ATXN1: variants seen among roughly 807,000 people sequenced by gnomAD.
The protein encoded by ATXN1 is ataxin-1.
Under a neutral mutation model 56.4 loss-of-function variants are expected in ATXN1, and 8 were observed. The observed-to-expected ratio is 0.14, with a 90% CI of 0.08 to 0.26. The LOEUF (loss-of-function observed/expected upper bound fraction) is 0.26. Among genes scored for constraint, ATXN1 ranks in the 10% least tolerant of loss-of-function variants. ATXN1 has a pLI of 1.00. For synonymous variants in ATXN1, 514 were observed against 494.6 expected (o/e 1.04, Z -0.52); for missense variants, 987 against 1,106.5 (o/e 0.89, Z 1.53).
chr6:16,363,436 A>C (rs1016780253), intron 6 of ATXN1, among the ~76,000 whole-genome samples: 1 of 152,236 alleles, frequency 6.6e-6, no homozygotes, highest in African/African-American at 2.4e-5. Context: ...CTGAAGGACA[A>C]AACAAAATTG....
intron 5 of ATXN1, among the ~76,000 whole-genome samples, chr6:16,502,848 A>G (rs1200806441): frequency 2.0e-5 from 3 of 152,246 alleles, no homozygotes; most frequent in Admixed American, 6.5e-5. Flanking sequence ...TGACAGTAGT[A>G]TAATGAAAAT....
chr6:16,354,993 C>T (rs1387247577), intron 6 of ATXN1, among the ~76,000 whole-genome samples: 6 of 152,232 alleles, frequency 3.9e-5, no homozygotes, highest in East Asian at 1.9e-4. Flanking sequence ...CTTTAGGGCA[C>T]CTTGCATTTC....
chr6:16,435,277 G>A (rs1329495171), intron 6 of ATXN1, among the ~76,000 whole-genome samples: 3 of 152,060 alleles, frequency 2.0e-5, no homozygotes, highest in Admixed American at 6.6e-5. Flanking sequence ...GATGATGAGA[G>A]GTCTGGCCTA....
intron 2 of ATXN1, among the ~76,000 whole-genome samples, chr6:16,685,452 C>T (rs1406333835): frequency 6.6e-6 from 1 of 152,072 alleles, no homozygotes; most frequent in Non-Finnish European, 1.5e-5. Context: ...GACTATGAGG[C>T]ATCTTGATTT....
chr6:16,558,300 CAAAAAAAA>C (rs34684208), intron 4 of ATXN1, among the ~76,000 whole-genome samples: 5 of 95,410 alleles, frequency 5.2e-5, no homozygotes, highest in African/African-American at 1.2e-4. Context: ...GATCCTGTGT[CAAAAAAAA>C]AAAAAAAAAA....
chr6:16,622,895 C>A (rs1017075071), intron 3 of ATXN1, among the ~76,000 whole-genome samples: 3 of 151,856 alleles, frequency 2.0e-5, no homozygotes, highest in African/African-American at 7.3e-5. Context: ...GGGTGAAATT[C>A]CACTTTACTT....
intron 2 of ATXN1, among the ~76,000 whole-genome samples, chr6:16,678,802 G>A (rs1165533242): frequency 1.3e-5 from 2 of 152,296 alleles, no homozygotes; most frequent in African/African-American, 2.4e-5. Flanking sequence ...TTGGGAGGCC[G>A]AGGCGGGTGG....
intron 6 of ATXN1, among the ~76,000 whole-genome samples, chr6:16,351,218 T>C (rs575500222): frequency 1.3e-5 from 2 of 152,308 alleles, no homozygotes; most frequent in South Asian, 4.1e-4. Flanking sequence ...TCAATGTTCA[T>C]TTCTTTTTCT....
At chr6:16,422,561 G>A (rs749354113) in intron 6 of ATXN1, among the ~76,000 whole-genome samples, 13 of 152,106 alleles carry the variant, frequency 8.5e-5, no homozygotes, top group African/African-American at 1.4e-4. Flanking sequence ...CAGTGAATCC[G>A]ACTTCTACCT....
chr6:16,576,537 C>G (rs9477174), intron 4 of ATXN1, among the ~76,000 whole-genome samples: 2,188 of 152,306 alleles, frequency 0.014, 65 homozygotes, highest in African/African-American at 0.049. Flanking sequence ...TACTATTGTT[C>G]TAAAGGATGA....
chr6:16,543,669 T>C (rs1761759484), intron 4 of ATXN1, among the ~76,000 whole-genome samples: 1 of 150,174 alleles, frequency 6.7e-6, no homozygotes, highest in South Asian at 2.1e-4. Flanking sequence ...AGAGAGAGTT[T>C]AAGCATGCCT....
intron 2 of ATXN1, among the ~76,000 whole-genome samples, chr6:16,731,874 T>C (rs375481262): frequency 6.6e-6 from 1 of 152,256 alleles, no homozygotes; most frequent in African/African-American, 2.4e-5. Context: ...ACATTTCCTG[T>C]GCTATTTAAA....
At chr6:16,403,095 T>G (rs1758611403) in intron 6 of ATXN1, among the ~76,000 whole-genome samples, 1 of 152,188 alleles carries the variant, frequency 6.6e-6, no homozygotes, top group Non-Finnish European at 1.5e-5. Flanking sequence ...TATGTATGTA[T>G]GGATATAAAT....
chr6:16,720,670 T>C (rs1759728105), intron 2 of ATXN1, among the ~76,000 whole-genome samples: 1 of 152,212 alleles, frequency 6.6e-6, no homozygotes, highest in African/African-American at 2.4e-5. Context: ...ACTCAGTTGA[T>C]CCAAACATGG....
intron 6 of ATXN1, among the ~76,000 whole-genome samples, chr6:16,397,558 A>T (rs1478995445): frequency 1.3e-5 from 2 of 152,170 alleles, no homozygotes; most frequent in Non-Finnish European, 2.9e-5. Context: ...AGTAGTAGCT[A>T]AACTTTTATC....
intron 6 of ATXN1, among the ~76,000 whole-genome samples, chr6:16,336,421 G>C (rs1474400089): frequency 6.6e-6 from 1 of 152,164 alleles, no homozygotes; most frequent in Non-Finnish European, 1.5e-5. Context: ...CGTTCAGTAA[G>C]GAAGAGACTG....
chr6:16,339,431 T>C (rs1262345273), intron 6 of ATXN1, among the ~76,000 whole-genome samples: 1 of 152,136 alleles, frequency 6.6e-6, no homozygotes, highest in Non-Finnish European at 1.5e-5. Flanking sequence ...CCTCCAGGTG[T>C]CACACACTGG....
intron 2 of ATXN1, among the ~76,000 whole-genome samples, chr6:16,661,588 G>A (rs562112000): frequency 7.9e-5 from 12 of 152,346 alleles, no homozygotes; most frequent in Non-Finnish European, 1.6e-4. Flanking sequence ...CTTCTTGAGT[G>A]TGGACTGGAT....
intron 4 of ATXN1, among the ~76,000 whole-genome samples, chr6:16,585,474 GTCTC>G (rs374421434): frequency 1.3e-4 from 20 of 152,218 alleles, no homozygotes; most frequent in South Asian, 4.1e-4. Context: ...TTTGATGTTT[GTCTC>G]TCTAAGTGAA....
Sources: gnomAD v4.1 joint callset for allele counts (sites outside exome capture counted in the v4.1 genomes callset) on GRCh38, gnomAD v4.1.1 for gene constraint, MANE v1.5 for transcripts, NCBI Gene and HGNC (gene_info 2026-07-23, HGNC 2026-07-21) for gene names.